Variants in ZNF385D observed in about 807,000 individuals in gnomAD.
ZNF385D encodes zinc finger protein 385D.
In ZNF385D, 15 loss-of-function variants were observed where a neutral mutation model predicts 35.8. That is an observed-to-expected ratio of 0.42 (90% CI 0.28 to 0.64). ZNF385D has a LOEUF of 0.64. Among genes scored for constraint, ZNF385D ranks in the 30% least tolerant of loss-of-function variants. The pLI, the probability that ZNF385D is intolerant of heterozygous loss-of-function variation, is 0.23. For missense variants in ZNF385D, 474 were observed against 494.6 expected, an observed-to-expected ratio of 0.96 and a Z score of 0.39; for synonymous variants, 212 against 186.8, an observed-to-expected ratio of 1.13 and a Z score of -1.10.
At chr3:21,777,279 C>A (rs2071324170) in intron 3 of ZNF385D, among the ~76,000 whole-genome samples, 1 of 151,952 alleles carries the variant, frequency 6.6e-6, no homozygotes, top group Admixed American at 6.6e-5. Flanking sequence ...TTCATCACAT[C>A]AGCCTGAATT....
chr3:21,572,352 C>A (rs2063360160), intron 2 of ZNF385D, among the ~76,000 whole-genome samples: 1 of 152,056 alleles, frequency 6.6e-6, no homozygotes, highest in Non-Finnish European at 1.5e-5. Flanking sequence ...TTTCATTTAA[C>A]AATATATCCC....
intron 3 of ZNF385D, among the ~76,000 whole-genome samples, chr3:21,876,110 AG>A (rs1353667544): frequency 1.3e-5 from 2 of 152,140 alleles, no homozygotes; most frequent in African/African-American, 2.4e-5. Context: ...ATTCAGTTTA[AG>A]CTGTGATATC....
intron 2 of ZNF385D, among the ~76,000 whole-genome samples, chr3:22,249,675 G>C (rs1298099492): frequency 1.3e-5 from 2 of 152,174 alleles, no homozygotes; most frequent in Non-Finnish European, 2.9e-5. Context: ...TAACTGAAGA[G>C]CAACAGCAGC....
chr3:21,826,410 T>G (rs930751208), intron 3 of ZNF385D, among the ~76,000 whole-genome samples: 5 of 152,144 alleles, frequency 3.3e-5, no homozygotes, highest in African/African-American at 1.2e-4. Context: ...ATTTCACTGG[T>G]CCAATTCCCC....
At chr3:21,799,000 T>C (rs972292935) in intron 3 of ZNF385D, among the ~76,000 whole-genome samples, 5 of 152,210 alleles carry the variant, frequency 3.3e-5, no homozygotes, top group African/African-American at 4.8e-5. Flanking sequence ...TAATCTGCTT[T>C]ACAGGTCTAT....
Position 21,542,476 on chromosome 3 carries a change from T to A in ZNF385D, c.276+22098A>T, listed in dbSNP as rs550934360. Among the ~76,000 whole-genome samples, 13 of 152,166 alleles carry A rather than the reference T, an allele frequency of 8.5e-5. No individual in the cohort carries two copies. The South Asian group carries it at 2.7e-3, about 32-fold the overall frequency. Reference sequence around the variant, plus strand: ...AATCCTCAAACCTCTGCTTCTCAAGTAGCTAGGACTACAGGTGCGCACCAC... The same window carrying A: ...AATCCTCAAACCTCTGCTTCTCAAGAAGCTAGGACTACAGGTGCGCACCAC... On this transcript the variant is annotated intron_variant, in intron 3 of 7. Coordinates refer to ENST00000281523, the MANE Select transcript of ZNF385D (RefSeq NM_024697.3).
Position 22,200,687 on chromosome 3 carries a change from TG to T in ZNF385D, c.107-31653del, listed in dbSNP as rs1336288025. The stretch of plus-strand genomic sequence containing the variant: ...TAAGCCTGGGAGCACTATGGGAGAC[TG>T]GGGTCTATTTCACCCCTACAGTCTA... On this transcript the variant is annotated intron_variant, in intron 2 of 5. Transcript: ENST00000494108. 3.9e-5 allele frequency among the ~76,000 whole-genome samples: 6 copies of T among 152,182 alleles called. No individual in the cohort carries two copies. The Middle Eastern group carries it at 0.01, about 259-fold the overall frequency.
intron 3 of ZNF385D, among the ~76,000 whole-genome samples, chr3:21,890,606 G>A (rs528786251): frequency 5.9e-4 from 89 of 152,100 alleles, no homozygotes; most frequent in Non-Finnish European, 1.1e-3. Flanking sequence ...GTGACAGAGT[G>A]AGACTCCGTC....
At chr3:22,111,152 ATTTTTTTT>A (rs61708178) in intron 3 of ZNF385D, among the ~76,000 whole-genome samples, 7 of 68,976 alleles carry the variant, frequency 1.0e-4, no homozygotes, top group East Asian at 3.7e-4. Context: ...TCCATGTTGG[ATTTTTTTT>A]TTTTTTTTTT....
At chr3:21,526,857 G>T (rs73050408) in intron 3 of ZNF385D, among the ~76,000 whole-genome samples, 11 of 152,132 alleles carry the variant, frequency 7.2e-5, no homozygotes, top group African/African-American at 2.7e-4. Flanking sequence ...CATCTGACGC[G>T]ATCGTTCTTA....
chr3:22,024,053 C>T (rs1025000113), intron 3 of ZNF385D, among the ~76,000 whole-genome samples: 2 of 152,082 alleles, frequency 1.3e-5, no homozygotes, highest in South Asian at 2.1e-4. Flanking sequence ...AAGGCAGACC[C>T]ACCCTTAATC....
chr3:21,518,993 C>G (rs893626124), intron 3 of ZNF385D, among the ~76,000 whole-genome samples: 1 of 151,886 alleles, frequency 6.6e-6, no homozygotes, highest in African/African-American at 2.4e-5. Flanking sequence ...CATTTTTTCC[C>G]GAAGTGAAAA....
At chr3:21,818,496 A>G (rs1445908960) in intron 3 of ZNF385D, among the ~76,000 whole-genome samples, 4 of 152,220 alleles carry the variant, frequency 2.6e-5, no homozygotes, top group African/African-American at 9.6e-5. Flanking sequence ...TTTGGGTGTT[A>G]TCATAATAGT....
chr3:22,182,760 G>T (rs1695364331), intron 2 of ZNF385D, among the ~76,000 whole-genome samples: 1 of 151,956 alleles, frequency 6.6e-6, no homozygotes, highest in Admixed American at 6.6e-5. Context: ...AATCCAAATT[G>T]AAAATTACTT....
chr3:21,545,566 A>G (rs1316403777), intron 3 of ZNF385D, among the ~76,000 whole-genome samples: 3 of 152,220 alleles, frequency 2.0e-5, no homozygotes, highest in Non-Finnish European at 2.9e-5. Flanking sequence ...TTTGGAAACT[A>G]TGAGTATTCT....
chr3:22,150,755 C>CATAT (rs371058778), intron 3 of ZNF385D, among the ~76,000 whole-genome samples: 1 of 151,872 alleles, frequency 6.6e-6, no homozygotes, highest in African/African-American at 2.4e-5. Context: ...AAAATTTAAA[C>CATAT]ATATATATAT....
At chr3:22,128,152 A>G (rs1703551841) in intron 3 of ZNF385D, among the ~76,000 whole-genome samples, 1 of 152,212 alleles carries the variant, frequency 6.6e-6, no homozygotes, top group South Asian at 2.1e-4. Flanking sequence ...TTTGATGGAT[A>G]TACTATTCTA....
At chr3:22,207,177 A>C (rs1697211565) in intron 2 of ZNF385D, among the ~76,000 whole-genome samples, 1 of 151,958 alleles carries the variant, frequency 6.6e-6, no homozygotes, top group South Asian at 2.1e-4. Flanking sequence ...ATTTCTAGAC[A>C]CATACAACCT....
intron 2 of ZNF385D, among the ~76,000 whole-genome samples, chr3:22,195,492 A>G (rs1696351999): frequency 6.6e-6 from 1 of 152,012 alleles, no homozygotes. Flanking sequence ...ATATAAGAAC[A>G]CTTTTTCCTG....
Sources: gnomAD v4.1 joint callset for allele counts (sites outside exome capture counted in the v4.1 genomes callset) on GRCh38, gnomAD v4.1.1 for gene constraint, MANE v1.5 for transcripts, NCBI Gene and HGNC (gene_info 2026-07-23, HGNC 2026-07-21) for gene names.